The following PKP4 variants were observed in gnomAD, a reference collection of about 807,000 sequenced individuals.
PKP4 encodes plakophilin 4.
PKP4 carries 90 observed loss-of-function variants against 145.1 expected under a neutral mutation model. The ratio of observed to expected loss-of-function variants is 0.62; its 90% CI spans 0.52 to 0.74. The LOEUF is 0.74. PKP4 is among the 30% of genes least tolerant of loss of function. PKP4 has a pLI of 0.00. For synonymous variants in PKP4, 563 were observed against 577.2 expected, an observed-to-expected ratio of 0.98 and a Z score of 0.35; for missense variants, 1,340 against 1,482.7, an observed-to-expected ratio of 0.90 and a Z score of 1.58.
At chr2:158,475,569 A>G (rs1692336644) in intron 1 of PKP4, among the ~76,000 whole-genome samples, 1 of 152,248 alleles carries the variant, frequency 6.6e-6, no homozygotes, top group African/African-American at 2.4e-5. Context: ...ATTTTTAGCC[A>G]GAAGACTTCT....
chr2:158,509,195 G>A (rs781743443), intron 1 of PKP4, among the ~76,000 whole-genome samples: 18 of 151,964 alleles, frequency 1.2e-4, no homozygotes, highest in Non-Finnish European at 2.9e-5. Flanking sequence ...GATTCTGATA[G>A]ATTATGAATT....
chr2:158,667,055 C>T lies in PKP4; in HGVS notation c.2728+492C>T, dbSNP rs1476512353. ...ATTTCCACCCTGGGCAGGGGCAGGA[C>T]TAGGGTGAGCTAAGCAAGGCGCCAA... is the stretch of plus-strand genomic sequence containing the variant. On this transcript the variant is annotated intron_variant, in intron 16 of 21. Coordinates refer to ENST00000389759, the MANE Select transcript of PKP4 (RefSeq NM_003628.6). 2.0e-5 allele frequency among the ~76,000 whole-genome samples: 3 copies of T among 152,112 alleles called. No individual in the cohort carries two copies. The East Asian group carries it at 5.8e-4, about 29-fold the overall frequency.
intron 2 of PKP4, among the ~76,000 whole-genome samples, chr2:158,535,597 T>A (rs1450616786): frequency 6.6e-6 from 1 of 152,090 alleles, no homozygotes; most frequent in Non-Finnish European, 1.5e-5. Flanking sequence ...TTAATATTTT[T>A]TTGTAGAGAT....
chr2:158,563,815 G>A (rs571554766), intron 2 of PKP4, among the ~76,000 whole-genome samples: 2 of 151,730 alleles, frequency 1.3e-5, no homozygotes, highest in Admixed American at 6.6e-5. Context: ...GTGTACTTTC[G>A]AATCTGATGT....
chr2:158,469,472 A>C (rs1254331926), intron 1 of PKP4, among the ~76,000 whole-genome samples: 1 of 152,136 alleles, frequency 6.6e-6, no homozygotes, highest in Non-Finnish European at 1.5e-5. Context: ...TACCTCTGCC[A>C]GAGAAATATG....
Position 158,603,077 on chromosome 2 carries a change from G to T in PKP4, c.253G>T (p.Glu85Ter). The change falls in exon 4 of 22, where the codon GAG becomes TAG. Residue 85 changes from glutamate (E) to a stop codon, truncating the protein, a stop_gained. Coordinates refer to ENST00000389759, the MANE Select transcript of PKP4 (RefSeq NM_003628.6). LOFTEE classifies it high-confidence loss of function. ...TTCTTTCTTTTTCTTTAGCTCAACT[G>T]AGAAGTCATTTCCTTGGAGATCAAC... ...SPSIASTSST[E>*]KSFPWRSTDV... The T allele has an allele frequency of 6.7e-7, 1 of 1,491,708 alleles. No individual in the cohort carries two copies. The highest frequency in any genetic ancestry group is 1.3e-5 in the South Asian group (1 of 74,958). The allele number at this position is 1,491,708 out of a possible 1,614,324, so 92.4% of individuals were successfully genotyped here.
chr2:158,479,155 A>G (rs1254400941), intron 1 of PKP4, among the ~76,000 whole-genome samples: 2 of 152,116 alleles, frequency 1.3e-5, no homozygotes, highest in Non-Finnish European at 2.9e-5. Context: ...TTTAATTCTC[A>G]AACAATTTAG....
chr2:158,613,742 G>C (rs2051339907), intron 4 of PKP4, among the ~76,000 whole-genome samples: 1 of 152,188 alleles, frequency 6.6e-6, no homozygotes. Context: ...GTTGTAATGT[G>C]AAAGGTGTGA....
chr2:158,618,734 G>GT (rs997814214), intron 4 of PKP4, among the ~76,000 whole-genome samples: 275 of 147,638 alleles, frequency 1.9e-3, no homozygotes, highest in Admixed American at 3.4e-3. Context: ...CTCTTTTTCT[G>GT]TTTTTTTTTT....
intron 1 of PKP4, among the ~76,000 whole-genome samples, chr2:158,488,599 A>G (rs1228399604): frequency 6.6e-6 from 1 of 152,144 alleles, no homozygotes; most frequent in East Asian, 1.9e-4. Flanking sequence ...CAGTAGGTTT[A>G]TGGTAGGCAG....
At chr2:158,659,566 G>A (rs1403201370) in intron 12 of PKP4, 1 of 152,240 alleles carries the variant, frequency 6.6e-6, no homozygotes, top group South Asian at 2.1e-4. Context: ...ATAGGGTGAT[G>A]TGAGGGTTAT....
chr2:158,571,073 G>A (rs1381553954), intron 2 of PKP4, among the ~76,000 whole-genome samples: 1 of 152,088 alleles, frequency 6.6e-6, no homozygotes, highest in Non-Finnish European at 1.5e-5. Context: ...GTGAATGTGG[G>A]GGCAGGAGTT....
intron 1 of PKP4, among the ~76,000 whole-genome samples, chr2:158,481,061 T>G (rs561141052): frequency 1.3e-4 from 20 of 152,332 alleles, no homozygotes; most frequent in African/African-American, 4.8e-4. Context: ...TCTTTTTAAA[T>G]TAATTTCTTT....
intron 1 of PKP4, among the ~76,000 whole-genome samples, chr2:158,464,689 T>A (rs1690312083): frequency 6.6e-6 from 1 of 152,226 alleles, no homozygotes. Context: ...TCATGAGAAT[T>A]GTAAACACTC....
At chr2:158,573,283 G>A (rs758545826) in intron 2 of PKP4, among the ~76,000 whole-genome samples, 2 of 152,196 alleles carry the variant, frequency 1.3e-5, no homozygotes, top group South Asian at 2.1e-4. Flanking sequence ...TGCATAAATT[G>A]TGTGGACATA....
At chr2:158,518,656 G>A (rs1318730756) in intron 1 of PKP4, among the ~76,000 whole-genome samples, 1 of 152,118 alleles carries the variant, frequency 6.6e-6, no homozygotes, top group Non-Finnish European at 1.5e-5. Context: ...TGTCATATTT[G>A]TTGTTTTGCT....
At chr2:158,490,590 A>G (rs1335146212) in intron 1 of PKP4, among the ~76,000 whole-genome samples, 1 of 152,226 alleles carries the variant, frequency 6.6e-6, no homozygotes, top group Non-Finnish European at 1.5e-5. Flanking sequence ...GCAAGTTGGG[A>G]TAAGCAGGCA....
At position 158,661,321 on chromosome 2, in the gene PKP4, C is replaced by G; in HGVS notation, c.2094-12C>G. ...TTCATCTCAGCAGCTCCTCCTGTCT[C>G]CACCCCTTTAGGAACCTCAGCTCCG... On this transcript the variant is annotated splice_polypyrimidine_tract_variant and intron_variant, in intron 12 of 21. Transcript: ENST00000389759. 6.2e-7 allele frequency: 1 copy of G among 1,600,956 alleles called. No homozygotes were observed. The highest frequency in any genetic ancestry group is 8.6e-7 in the Non-Finnish European group (1 of 1,168,650).
chr2:158,587,764 T>A (rs1363364751), intron 3 of PKP4, among the ~76,000 whole-genome samples: 1 of 152,010 alleles, frequency 6.6e-6, no homozygotes, highest in Admixed American at 6.6e-5. Context: ...ATATTGAACA[T>A]AAAATTCAAG....
Sources: gnomAD v4.1 joint callset for allele counts (sites outside exome capture counted in the v4.1 genomes callset) on GRCh38, gnomAD v4.1.1 for gene constraint, MANE v1.5 for transcripts, NCBI Gene and HGNC (gene_info 2026-07-23, HGNC 2026-07-21) for gene names.